TSC22D1: variants seen among roughly 807,000 people sequenced by gnomAD.
The protein encoded by TSC22D1 is TSC22 domain family member 1.
In TSC22D1, 9 loss-of-function variants were observed where a neutral mutation model predicts 74.2. The observed-to-expected ratio is 0.12, with a 90% CI of 0.07 to 0.21. TSC22D1 has a LOEUF of 0.21. Ranked by LOEUF, TSC22D1 falls within the 10% of genes least tolerant of loss-of-function variation. The pLI is 1.00. For missense variants in TSC22D1, 1,427 were observed against 1,304.7 expected, an observed-to-expected ratio of 1.09 and a Z score of -1.44; for synonymous variants, 586 against 492.5, an observed-to-expected ratio of 1.19 and a Z score of -2.51.
chr13:44,453,506 G>T (rs895645698), intron 1 of TSC22D1, among the ~76,000 whole-genome samples: 14 of 152,190 alleles, frequency 9.2e-5, no homozygotes, highest in Non-Finnish European at 4.4e-5. Context: ...ATTACTTGAT[G>T]CAATAAAGCT....
At chr13:44,508,313 T>C (rs889865897) in intron 1 of TSC22D1, among the ~76,000 whole-genome samples, 4 of 152,218 alleles carry the variant, frequency 2.6e-5, no homozygotes, top group African/African-American at 9.6e-5. Context: ...AAACTATATT[T>C]AGCCAGGGGT....
intron 1 of TSC22D1, among the ~76,000 whole-genome samples, chr13:44,491,812 T>C (rs1878739876): frequency 6.6e-6 from 1 of 152,136 alleles, no homozygotes; most frequent in African/African-American, 2.4e-5. Flanking sequence ...CAATAATCAG[T>C]GGGGTTTTTT....
chr13:44,445,227 A>G (rs1875540381), intron 1 of TSC22D1, among the ~76,000 whole-genome samples: 2 of 37,910 alleles, frequency 5.3e-5, no homozygotes, highest in Non-Finnish European at 5.6e-5. Flanking sequence ...ACACACACAC[A>G]CACACACACA....
At chr13:44,516,444 C>T (rs1336164) in intron 1 of TSC22D1, 351,204 of 352,702 alleles carry the variant, frequency 1, 174,881 homozygotes, top group East Asian at 1. Context: ...GGGACTTCGG[C>T]ATAAAGGCTT....
chr13:44,538,461 C>T, intron 1 of TSC22D1: 6 of 985,352 alleles, frequency 6.1e-6, no homozygotes, highest in Non-Finnish European at 7.2e-6. Context: ...ACTTCCTCTA[C>T]TACTTAAAAA....
intron 1 of TSC22D1, among the ~76,000 whole-genome samples, chr13:44,568,250 T>C (rs1157004796): frequency 2.0e-5 from 3 of 152,064 alleles, no homozygotes; most frequent in East Asian, 3.9e-4. Flanking sequence ...AGAATAATAG[T>C]TGTGTACCAA....
chr13:44,564,449 CA>C (rs1883239884), intron 1 of TSC22D1, among the ~76,000 whole-genome samples: 1 of 152,098 alleles, frequency 6.6e-6, no homozygotes, highest in Admixed American at 6.5e-5. Flanking sequence ...GGCAGCCTCT[CA>C]AAAAGTGAGT....
chr13:44,567,713 A>C (rs965432037), intron 1 of TSC22D1, among the ~76,000 whole-genome samples: 1 of 152,092 alleles, frequency 6.6e-6, no homozygotes, highest in African/African-American at 2.4e-5. Flanking sequence ...GAAAATTAGA[A>C]GACCAGTCAA....
intron 1 of TSC22D1, among the ~76,000 whole-genome samples, chr13:44,470,957 C>G (rs1421103501): frequency 6.6e-6 from 1 of 152,172 alleles, no homozygotes; most frequent in Admixed American, 6.5e-5. Context: ...GGCTCACTGA[C>G]AACAGATAAG....
At chr13:44,489,739 T>C (rs1227382575) in intron 1 of TSC22D1, among the ~76,000 whole-genome samples, 1 of 152,080 alleles carries the variant, frequency 6.6e-6, no homozygotes, top group Non-Finnish European at 1.5e-5. Flanking sequence ...AGGCATTTTA[T>C]AAAATAATAT....
chr13:44,574,709 T>A lies in TSC22D1; in HGVS notation c.1366A>T (p.Ile456Leu), dbSNP rs757292345. ...KVVETVKQNP[I>L]EVTSERESTS... ...CTCTCCCTTTCAGAAGTCACTTCTA[T>A]CGGATTTTGCTTTACAGTCTCCACC... is the stretch of plus-strand genomic sequence containing the variant. The change falls in exon 1 of 3, where the codon ATA becomes TTA. Residue 456 changes from isoleucine to leucine, a missense_variant. Ile to Leu is a conservative substitution (Grantham distance 5). Around this residue, in one of 3 missense-constraint regions of TSC22D1, gnomAD observed 1,343 missense variants for 1,191.5 expected, o/e 1.13. Coordinates refer to ENST00000458659, the MANE Select transcript of TSC22D1 (RefSeq NM_183422.4). The A allele has an allele frequency of 3.7e-6, 6 of 1,614,134 alleles. No homozygotes were observed. In the South Asian group the frequency reaches 4.4e-5, roughly 12 times the overall value.
In TSC22D1 at chr13:44,433,082, C is replaced by T. The variant is rs1044529830; in HGVS notation, c.*1544G>A. The stretch of plus-strand genomic sequence containing the variant: ...CATCCCAACCCAGGGTGACAGGGTT[C>T]TTAAAGTGGAAATCAGCTTCTCCAA... On this transcript the variant is annotated 3_prime_UTR_variant, in exon 3 of 3. Coordinates refer to ENST00000458659, the MANE Select transcript of TSC22D1 (RefSeq NM_183422.4). The T allele has an allele frequency of 3.9e-5, 6 of 152,196 alleles. No individual in the cohort carries two copies. The highest frequency in any genetic ancestry group is 1.4e-4 in the African/African-American group (6 of 41,456). 9.4% of individuals were successfully genotyped at this position (152,196 alleles called of 1,614,324 possible). A position where few individuals can be genotyped will look rare whatever the true frequency, so the allele number is the denominator to read the frequency against.
chr13:44,544,028 G>C (rs1293881955), intron 1 of TSC22D1, among the ~76,000 whole-genome samples: 1 of 152,174 alleles, frequency 6.6e-6, no homozygotes, highest in Non-Finnish European at 1.5e-5. Flanking sequence ...GGGAGGCAGA[G>C]GTTGCAGTGA....
At chr13:44,572,038 TG>T (rs1256375197) in intron 1 of TSC22D1, among the ~76,000 whole-genome samples, 1 of 152,190 alleles carries the variant, frequency 6.6e-6, no homozygotes, top group Non-Finnish European at 1.5e-5. Flanking sequence ...ATTCGCTTGA[TG>T]AAAGTTCAAT....
chr13:44,539,981 C>T (rs770036155), intron 1 of TSC22D1: 15 of 1,235,270 alleles, frequency 1.2e-5, no homozygotes, highest in African/African-American at 6.2e-5. Flanking sequence ...AAATTACATT[C>T]TCTGGTCATT....
chr13:44,509,950 C>CAAAAAAAAAAAAAAAAAAAAAACAA, intron 1 of TSC22D1, among the ~76,000 whole-genome samples: 3 of 51,420 alleles, frequency 5.8e-5, no homozygotes, highest in Admixed American at 2.7e-4. Context: ...AGAAAATAAG[C>CAAAAAAAAAAAAAAAAAAAAAACAA]AAAAAAAAAA....
rs1446746031 is a variant in TSC22D1 at position 44,433,102 on chromosome 13, CTCCAACT to C, written c.*1517_*1523del. On this transcript the variant is annotated 3_prime_UTR_variant, in exon 3 of 3. Transcript: ENST00000458659. ...GGGTTCTTAAAGTGGAAATCAGCTT[CTCCAACT>C]TCCGTCTTTTGATCCTAGATCTGCT... 1 of 152,240 alleles carries C rather than the reference CTCCAACT, an allele frequency of 6.6e-6. No homozygotes were observed. The highest frequency in any genetic ancestry group is 2.4e-5 in the African/African-American group (1 of 41,452). The allele number at this position is 152,240 out of a possible 1,614,324, so 9.4% of individuals were successfully genotyped here.
intron 1 of TSC22D1, among the ~76,000 whole-genome samples, chr13:44,557,698 C>G (rs1005778934): frequency 1.3e-5 from 2 of 152,072 alleles, no homozygotes; most frequent in African/African-American, 4.8e-5. Flanking sequence ...TATTATTCAA[C>G]TGATTAAAAT....
chr13:44,550,728 C>A (rs1474730562), intron 1 of TSC22D1, among the ~76,000 whole-genome samples: 1 of 151,940 alleles, frequency 6.6e-6, no homozygotes, highest in Non-Finnish European at 1.5e-5. Flanking sequence ...TTCCCTACTT[C>A]CTTCAAAACC....
Sources: gnomAD v4.1 joint callset for allele counts (sites outside exome capture counted in the v4.1 genomes callset) on GRCh38, gnomAD v4.1.1 for gene constraint, gnomAD v4.1.1 regional missense constraint, MANE v1.5 for transcripts, NCBI Gene and HGNC (gene_info 2026-07-23, HGNC 2026-07-21) for gene names.